The following NFAT5 variants were observed in gnomAD, a reference collection of about 807,000 sequenced individuals.
The protein encoded by NFAT5 is nuclear factor of activated T cells 5.
Under a neutral mutation model 166.5 loss-of-function variants are expected in NFAT5, and 31 were observed. The observed-to-expected ratio is 0.19, with a 90% CI of 0.14 to 0.25. The LOEUF is 0.25. Among genes scored for constraint, NFAT5 ranks in the 10% least tolerant of loss-of-function variants. The pLI, the probability that NFAT5 is intolerant of heterozygous loss-of-function variation, is 1.00. For synonymous variants in NFAT5, 612 were observed against 639.7 expected (o/e 0.96, Z 0.65); for missense variants, 1,449 against 1,821.8 (o/e 0.80, Z 3.72).
intron 10 of NFAT5, among the ~76,000 whole-genome samples, chr16:69,681,921 A>G (rs995145247): frequency 3.3e-5 from 5 of 151,162 alleles, no homozygotes; most frequent in Non-Finnish European, 7.4e-5. Flanking sequence ...CCATCTGAAA[A>G]AAAAAAAAAA....
intron 2 of NFAT5, among the ~76,000 whole-genome samples, chr16:69,623,853 G>GAA (rs79354297): frequency 4.3e-5 from 5 of 117,262 alleles, no homozygotes; most frequent in Non-Finnish European, 7.4e-5. Flanking sequence ...AAGGAAATTT[G>GAA]AAAAAAAAAA....
intron 9 of NFAT5, among the ~76,000 whole-genome samples, chr16:69,675,683 A>C (rs767530208): frequency 6.6e-6 from 1 of 152,084 alleles, no homozygotes; most frequent in Non-Finnish European, 1.5e-5. Context: ...CTTGTTGCCC[A>C]GGCTGGAGTG....
At chr16:69,662,075 TA>T (rs1479688535) in intron 7 of NFAT5, among the ~76,000 whole-genome samples, 1 of 152,078 alleles carries the variant, frequency 6.6e-6, no homozygotes, top group Non-Finnish European at 1.5e-5. Context: ...TAATTGCATA[TA>T]AAAATTATAT....
chr16:69,632,364 C>T (rs546106431), intron 3 of NFAT5: 2 of 152,050 alleles, frequency 1.3e-5, no homozygotes, highest in East Asian at 1.9e-4. Context: ...TTTTCTTTTA[C>T]CTAGTTCTTA....
intron 7 of NFAT5, among the ~76,000 whole-genome samples, chr16:69,666,986 G>A (rs1597504531): frequency 6.6e-6 from 1 of 150,578 alleles, no homozygotes; most frequent in African/African-American, 2.4e-5. Flanking sequence ...GGAATACTAT[G>A]CAGCCATAAA....
At chr16:69,671,411 G>A (rs979637283) in intron 9 of NFAT5, among the ~76,000 whole-genome samples, 30 of 152,120 alleles carry the variant, frequency 2.0e-4, no homozygotes, top group African/African-American at 6.5e-4. Flanking sequence ...TTGCTCTGTC[G>A]CCAGGCTGGC....
chr16:69,656,100 G>A (rs749054614), intron 6 of NFAT5, among the ~76,000 whole-genome samples: 1 of 151,972 alleles, frequency 6.6e-6, no homozygotes, highest in Non-Finnish European at 1.5e-5. Context: ...GGCCAACATG[G>A]TGAAACCCTG....
Position 69,647,388 on chromosome 16 carries a change from G to T in NFAT5, c.614G>T (p.Ser205Ile). 6.2e-7 allele frequency: 1 copy of T among 1,614,084 alleles called. No individual in the cohort carries two copies. Among genetic ancestry groups the T allele is most frequent in the Non-Finnish European group, 8.5e-7 (1 of 1,180,012 alleles). The stretch of plus-strand genomic sequence containing the variant: ...TCCCCCTCCAACTTCAGTAACATGA[G>T]CACCAGTTCCTACAATGATAACACT... The part of the protein sequence containing the change: ...EDSPSNFSNM[S>I]TSSYNDNTEV... Residue 205 changes from serine (S) to isoleucine (I), a missense_variant, in exon 4 of 15, where the codon AGC becomes ATC. This residue lies in a region of NFAT5 where 115 missense variants were observed against 177.1 expected (regional missense o/e 0.65). Transcript: ENST00000349945. The surrounding 1 kb of genome is among the most constrained non-coding windows in gnomAD (Gnocchi z 4.8).
chr16:69,675,521 A>C lies in NFAT5; in HGVS notation c.1558-1682A>C, dbSNP rs141894523. ...TTTAGCTCCTGCCTTATAACTGTGG[A>C]TGTATGCATATTTGTACATGTTTTT... On this transcript the variant is annotated intron_variant, in intron 9 of 14. Transcript: ENST00000349945. 2.6e-5 allele frequency among the ~76,000 whole-genome samples: 4 copies of C among 152,314 alleles called. No homozygotes were observed. The East Asian group carries it at 7.7e-4, about 29-fold the overall frequency.
At chr16:69,607,689 C>A (rs2033488729) in intron 2 of NFAT5, among the ~76,000 whole-genome samples, 1 of 152,218 alleles carries the variant, frequency 6.6e-6, no homozygotes, top group African/African-American at 2.4e-5. Flanking sequence ...TCTTCTAGAG[C>A]ACATTTGAAT....
At chr16:69,569,566 C>T (rs1597326789) in intron 2 of NFAT5, among the ~76,000 whole-genome samples, 1 of 152,184 alleles carries the variant, frequency 6.6e-6, no homozygotes, top group Admixed American at 6.5e-5. Flanking sequence ...TGAATACCAA[C>T]TTAGCTCCTT....
chr16:69,633,138 A>G (rs991621837), intron 3 of NFAT5, among the ~76,000 whole-genome samples: 4 of 152,176 alleles, frequency 2.6e-5, no homozygotes, highest in African/African-American at 7.2e-5. Context: ...AACTTGGCCT[A>G]TTATTGCTTT....
intron 3 of NFAT5, among the ~76,000 whole-genome samples, chr16:69,633,923 C>T (rs2034831926): frequency 6.6e-6 from 1 of 151,972 alleles, no homozygotes; most frequent in African/African-American, 2.4e-5. Context: ...TGTATCAGAA[C>T]ATTATCTACC....
chr16:69,653,069 C>T (rs116976140), intron 4 of NFAT5, among the ~76,000 whole-genome samples, 167 bp from the exon 5 acceptor site: 10 of 152,140 alleles, frequency 6.6e-5, no homozygotes, highest in Non-Finnish European at 1.2e-4. Context: ...TTTAAAGATA[C>T]TTTGCTCATG....
rs2036052620 is a variant in NFAT5 at position 69,659,979 on chromosome 16, T to G, written c.1369+80T>G. On this transcript the variant is annotated intron_variant, in intron 7 of 14. Transcript: ENST00000349945. ...TAATCTTTTAGACATCTCTAAATTT[T>G]AGATATTTCATATGCTCCGGCTTGT... 3.2e-6 allele frequency: 4 copies of G among 1,235,056 alleles called. No homozygotes were observed. In the South Asian group the frequency reaches 6.8e-5, roughly 21 times the overall value. 76.5% of individuals were successfully genotyped at this position (1,235,056 alleles called of 1,614,324 possible).
At chr16:69,626,781 A>G (rs2034478739) in intron 3 of NFAT5, among the ~76,000 whole-genome samples, 1 of 152,168 alleles carries the variant, frequency 6.6e-6, no homozygotes, top group African/African-American at 2.4e-5. Flanking sequence ...CAAATATGGG[A>G]ACCAGCTTAA....
intron 2 of NFAT5, among the ~76,000 whole-genome samples, chr16:69,576,147 A>G (rs2016734304): frequency 6.6e-6 from 1 of 151,962 alleles, no homozygotes; most frequent in Non-Finnish European, 1.5e-5. Context: ...CTAAAAAAAT[A>G]CAAAAAAATT....
At chr16:69,663,624 C>T (rs577110674) in intron 7 of NFAT5, among the ~76,000 whole-genome samples, 1 of 148,734 alleles carries the variant, frequency 6.7e-6, no homozygotes, top group African/African-American at 2.5e-5. Context: ...AATACCAGCA[C>T]TTTGGGAGGG....
intron 2 of NFAT5, among the ~76,000 whole-genome samples, chr16:69,580,699 A>G (rs1478890411): frequency 1.3e-5 from 2 of 152,156 alleles, no homozygotes; most frequent in Non-Finnish European, 2.9e-5. Flanking sequence ...TCTGTCACCC[A>G]GGCTGGTGTG....
Sources: gnomAD v4.1 joint callset for allele counts (sites outside exome capture counted in the v4.1 genomes callset) on GRCh38, gnomAD v4.1.1 for gene constraint, gnomAD v4.1.1 regional missense constraint, Gnocchi (gnomAD v3.1) non-coding constraint, MANE v1.5 for transcripts, NCBI Gene and HGNC (gene_info 2026-07-23, HGNC 2026-07-21) for gene names.